Variants in NKAIN2 observed in about 807,000 individuals in gnomAD.
The protein encoded by NKAIN2 is sodium/potassium-transporting ATPase subunit beta-1-interacting protein 2.
Under a neutral mutation model 32.6 loss-of-function variants are expected in NKAIN2, and 14 were observed. That is an observed-to-expected ratio of 0.43 (90% CI 0.28 to 0.67). The LOEUF is 0.67. Ranked by LOEUF, NKAIN2 falls within the 30% of genes least tolerant of loss-of-function variation. The pLI, the probability that NKAIN2 is intolerant of heterozygous loss-of-function variation, is 0.17. For missense variants in NKAIN2, 198 were observed against 258.3 expected (o/e 0.77, Z 1.60); for synonymous variants, 80 against 87.2 (o/e 0.92, Z 0.46).
intron 3 of NKAIN2, among the ~76,000 whole-genome samples, chr6:124,532,822 TGG>T (rs1206009152): frequency 1.3e-5 from 2 of 152,186 alleles, no homozygotes; most frequent in Non-Finnish European, 2.9e-5. Flanking sequence ...TTTTTGTGCT[TGG>T]GGGAAATCCT....
At chr6:123,914,888 C>T (rs1185018293) in intron 1 of NKAIN2, among the ~76,000 whole-genome samples, 1 of 152,136 alleles carries the variant, frequency 6.6e-6, no homozygotes, top group Non-Finnish European at 1.5e-5. Context: ...TTTGGAGTCT[C>T]TATGTGTTCT....
chr6:124,717,208 T>A (rs888392604), intron 4 of NKAIN2, among the ~76,000 whole-genome samples: 2 of 152,234 alleles, frequency 1.3e-5, no homozygotes, highest in African/African-American at 2.4e-5. Flanking sequence ...TGTTCTAAGA[T>A]AAATTATGTA....
chr6:123,976,328 CCCAT>C (rs1778589171), intron 1 of NKAIN2, among the ~76,000 whole-genome samples: 1 of 28,622 alleles, frequency 3.5e-5, no homozygotes, highest in Non-Finnish European at 6.9e-5. Flanking sequence ...TATATATGTT[CCCAT>C]ATATATATAT....
At chr6:124,425,596 G>A (rs966944984) in intron 3 of NKAIN2, among the ~76,000 whole-genome samples, 12 of 152,056 alleles carry the variant, frequency 7.9e-5, no homozygotes, top group South Asian at 2.1e-4. Flanking sequence ...ATACAACACA[G>A]TAGCAAAAAA....
chr6:124,394,746 C>T (rs559252273), intron 3 of NKAIN2, among the ~76,000 whole-genome samples: 1 of 152,010 alleles, frequency 6.6e-6, no homozygotes, highest in East Asian at 1.9e-4. Context: ...TTAGATGAAG[C>T]CCGCCTATGT....
At chr6:124,108,444 A>G (rs1320028238) in intron 1 of NKAIN2, among the ~76,000 whole-genome samples, 1 of 152,030 alleles carries the variant, frequency 6.6e-6, no homozygotes, top group African/African-American at 2.4e-5. Flanking sequence ...TTGGATATAT[A>G]GTTTGTAAAA....
rs144418162 is a variant in NKAIN2 at position 124,030,041 on chromosome 6, A to AAAACAAACAAAC, written c.54+225799_54+225810dup. Among the ~76,000 whole-genome samples, 689 of 151,982 alleles carry AAAACAAACAAAC rather than the reference A, an allele frequency of 4.5e-3. 2 individuals are homozygous for AAAACAAACAAAC. Among genetic ancestry groups the AAAACAAACAAAC allele is most frequent in the African/African-American group, 0.016 (649 of 41,342 alleles). On this transcript the variant is annotated intron_variant, in intron 1 of 6. Coordinates refer to ENST00000368417, the MANE Select transcript of NKAIN2 (RefSeq NM_001040214.3). ...AACATGGTGAAACCCCATCTCTACA[A>AAAACAAACAAAC]AAACAAACAAACAAACAAACAAAAC...
Position 124,175,171 on chromosome 6 carries a change from A to G in NKAIN2, c.55-107834A>G, listed in dbSNP as rs527340466. On this transcript the variant is annotated intron_variant, in intron 1 of 6. Coordinates refer to ENST00000368417, the MANE Select transcript of NKAIN2 (RefSeq NM_001040214.3). Reference sequence around the variant, plus strand: ...ATTTTCTTTGCACTTTACTTCTGTTAAGAAGCAGGAATCATGTGGCTCTCA... The same window carrying G: ...ATTTTCTTTGCACTTTACTTCTGTTGAGAAGCAGGAATCATGTGGCTCTCA... Among the ~76,000 whole-genome samples the G allele has an allele frequency of 8.4e-4, 128 of 152,288 alleles. 1 individual carries two copies. Among genetic ancestry groups the G allele is most frequent in the Non-Finnish European group, 1.5e-3 (104 of 68,024 alleles).
chr6:123,906,677 T>G (rs544457778), intron 1 of NKAIN2, among the ~76,000 whole-genome samples: 36 of 152,296 alleles, frequency 2.4e-4, no homozygotes, highest in African/African-American at 8.7e-4. Flanking sequence ...AATAAGACCT[T>G]TATCATCTCC....
chr6:124,284,136 T>C (rs1484377930), intron 2 of NKAIN2, among the ~76,000 whole-genome samples: 1 of 152,188 alleles, frequency 6.6e-6, no homozygotes, highest in Non-Finnish European at 1.5e-5. Context: ...TCCAGGTGCA[T>C]GCCCAGCCTC....
intron 1 of NKAIN2, among the ~76,000 whole-genome samples, chr6:124,231,410 A>G (rs1390413277): frequency 6.6e-6 from 1 of 152,162 alleles, no homozygotes; most frequent in East Asian, 1.9e-4. Context: ...TTGAGAAGGA[A>G]TGATTGGTTT....
In NKAIN2 at chr6:124,573,132, G is replaced by A. The variant is rs191128674; in HGVS notation, c.274-85054G>A. Among the ~76,000 whole-genome samples the A allele has an allele frequency of 9.9e-5, 15 of 152,198 alleles. No individual in the cohort carries two copies. The East Asian group carries it at 2.5e-3, about 25-fold the overall frequency. On this transcript the variant is annotated intron_variant, in intron 3 of 6. Transcript: ENST00000368417. ...TGGGATTACAAGCGTGAGCCACCAC[G>A]CCCGGCCAAAAAGTTATTTTTGAAC...
intron 4 of NKAIN2, among the ~76,000 whole-genome samples, chr6:124,715,013 G>A (rs763773324): frequency 6.6e-6 from 1 of 152,130 alleles, no homozygotes; most frequent in Non-Finnish European, 1.5e-5. Flanking sequence ...CTGAGCACCC[G>A]GGTCACAGAA....
At chr6:124,258,996 GA>G (rs1353494855) in intron 1 of NKAIN2, among the ~76,000 whole-genome samples, 5 of 152,090 alleles carry the variant, frequency 3.3e-5, no homozygotes, top group African/African-American at 1.2e-4. Flanking sequence ...AAATCCAGAT[GA>G]AAGCACAGCC....
At chr6:124,782,217 G>A (rs906190691) in intron 4 of NKAIN2, among the ~76,000 whole-genome samples, 11 of 152,028 alleles carry the variant, frequency 7.2e-5, no homozygotes, top group African/African-American at 2.4e-4. Flanking sequence ...TGATGTTTCC[G>A]TTGAGTTTAA....
At chr6:124,069,909 C>T (rs572327396) in intron 1 of NKAIN2, among the ~76,000 whole-genome samples, 12 of 152,208 alleles carry the variant, frequency 7.9e-5, no homozygotes, top group African/African-American at 2.9e-4. Flanking sequence ...TGTGACAAGT[C>T]GTGATTGTGC....
At chr6:124,349,881 C>A (rs1466026367) in intron 2 of NKAIN2, among the ~76,000 whole-genome samples, 1 of 152,164 alleles carries the variant, frequency 6.6e-6, no homozygotes, top group Admixed American at 6.5e-5. Flanking sequence ...TAGTTTTAAC[C>A]ATTTCCCTGG....
At chr6:123,991,040 T>C (rs1185349079) in intron 1 of NKAIN2, among the ~76,000 whole-genome samples, 2 of 152,212 alleles carry the variant, frequency 1.3e-5, no homozygotes, top group Non-Finnish European at 2.9e-5. Context: ...ATAATTGATA[T>C]CCAGAATGCT....
At chr6:124,643,312 C>T (rs1284085907) in intron 3 of NKAIN2, among the ~76,000 whole-genome samples, 2 of 152,100 alleles carry the variant, frequency 1.3e-5, no homozygotes, top group South Asian at 4.1e-4. Context: ...CATATTGCTA[C>T]TTAGAAATAC....
Sources: gnomAD v4.1 joint callset for allele counts (sites outside exome capture counted in the v4.1 genomes callset) on GRCh38, gnomAD v4.1.1 for gene constraint, MANE v1.5 for transcripts, NCBI Gene and HGNC (gene_info 2026-07-23, HGNC 2026-07-21) for gene names.